The following NOL4L variants were observed in gnomAD, a reference collection of about 807,000 sequenced individuals.
NOL4L encodes the protein nucleolar protein 4-like.
NOL4L carries 7 observed loss-of-function variants against 64.5 expected under a neutral mutation model. The observed-to-expected ratio is 0.11, with a 90% CI of 0.06 to 0.20. The LOEUF (loss-of-function observed/expected upper bound fraction) is 0.20. Ranked by LOEUF, NOL4L falls within the 10% of genes least tolerant of loss-of-function variation. The pLI is 1.00. For missense variants in NOL4L, 680 were observed against 967.1 expected (o/e 0.70, Z 3.94); for synonymous variants, 413 against 401.0 (o/e 1.03, Z -0.36).
At chr20:32,478,178 T>C (rs1231955599) in intron 4 of NOL4L, among the ~76,000 whole-genome samples, 1 of 151,582 alleles carries the variant, frequency 6.6e-6, no homozygotes, top group Non-Finnish European at 1.5e-5. Flanking sequence ...GGAACCAGAT[T>C]CCTTAACAAC....
At chr20:32,541,008 TACACACACACACACAC>T (rs10675320) in intron 1 of NOL4L, among the ~76,000 whole-genome samples, 2 of 133,514 alleles carry the variant, frequency 1.5e-5, no homozygotes, top group African/African-American at 2.8e-5. Context: ...CGCCACCCCC[TACACACACACACACAC>T]ACACACACAC....
chr20:32,584,064 A>T (rs1478344593), intron 1 of NOL4L, among the ~76,000 whole-genome samples: 1 of 104,884 alleles, frequency 9.5e-6, no homozygotes, highest in African/African-American at 3.7e-5. Context: ...GGCCCGGCGG[A>T]CTCCCCGTCC....
At chr20:32,479,679 C>T (rs893628068) in intron 4 of NOL4L, among the ~76,000 whole-genome samples, 4 of 152,256 alleles carry the variant, frequency 2.6e-5, no homozygotes, top group African/African-American at 9.6e-5. Flanking sequence ...GCCCTTTGGA[C>T]ACCCTGAAGC....
chr20:32,520,933 G>C lies in NOL4L; in HGVS notation c.478-11C>G, dbSNP rs562059237. The C allele has an allele frequency of 6.5e-7, 1 of 1,535,642 alleles. No individual in the cohort carries two copies. Among genetic ancestry groups the C allele is most frequent in the African/African-American group, 1.4e-5 (1 of 72,826 alleles). On this transcript the variant is annotated splice_polypyrimidine_tract_variant and intron_variant, in intron 2 of 10. Coordinates refer to ENST00000621426, the MANE Select transcript of NOL4L (RefSeq NM_001256798.2). Reference sequence around the variant, plus strand: ...ATAGGTCTCTGCGATCTGGAGGAGAGAAGAGCTTCGCTTGTTATATGGATC... The same window carrying C: ...ATAGGTCTCTGCGATCTGGAGGAGACAAGAGCTTCGCTTGTTATATGGATC...
intron 4 of NOL4L, among the ~76,000 whole-genome samples, chr20:32,502,036 G>A (rs1425111327): frequency 2.6e-5 from 4 of 152,342 alleles, no homozygotes; most frequent in Non-Finnish European, 4.4e-5. Flanking sequence ...GTTGCAGGAT[G>A]GAGGAAGGAG....
intron 4 of NOL4L, among the ~76,000 whole-genome samples, chr20:32,490,957 G>A (rs1306389626): frequency 6.6e-6 from 1 of 152,162 alleles, no homozygotes; most frequent in Non-Finnish European, 1.5e-5. Context: ...AGACGGACTC[G>A]CCATCTTTTG....
chr20:32,462,032 T>C (rs2014117249), intron 5 of NOL4L, among the ~76,000 whole-genome samples: 1 of 151,858 alleles, frequency 6.6e-6, no homozygotes, highest in Non-Finnish European at 1.5e-5. Context: ...CAGCAACTGG[T>C]AATAGCGTGT....
chr20:32,527,216 A>G (rs2018164875), intron 2 of NOL4L, among the ~76,000 whole-genome samples: 2 of 152,022 alleles, frequency 1.3e-5, no homozygotes, highest in Non-Finnish European at 2.9e-5. Flanking sequence ...TTTTGCTCTC[A>G]GCCTCCCCAC....
intron 1 of NOL4L, among the ~76,000 whole-genome samples, chr20:32,565,975 G>C (rs1204239588): frequency 6.6e-6 from 1 of 152,144 alleles, no homozygotes; most frequent in Non-Finnish European, 1.5e-5. Context: ...TTGAGCCCAG[G>C]TCAAGGCTGC....
intron 1 of NOL4L, among the ~76,000 whole-genome samples, chr20:32,553,044 G>A (rs1222891916): frequency 6.6e-6 from 1 of 152,146 alleles, no homozygotes; most frequent in East Asian, 1.9e-4. Flanking sequence ...TTTACAGTGT[G>A]CCAAGCCTGC....
chr20:32,584,579 C>T lies in NOL4L; in HGVS notation c.312G>A (p.Lys104=). The part of the protein sequence containing the change: ...KMGQVVYVPV[K]TGSGADGLSE... ...CCGCGCGCGCACTCACCGAGCCCGT[C>T]TTGACCGGCACATACACCACTTGGC... is the stretch of plus-strand genomic sequence containing the variant. The change falls in exon 1 of 11, where the codon AAG becomes AAA. Residue 104 remains lysine, a synonymous_variant. Coordinates refer to ENST00000621426, the MANE Select transcript of NOL4L (RefSeq NM_001256798.2). The T allele has an allele frequency of 6.9e-7, 1 of 1,455,462 alleles. No homozygotes were observed. 90.2% of individuals were successfully genotyped at this position (1,455,462 alleles called of 1,614,324 possible).
At chr20:32,561,408 G>A (rs1349136480) in intron 1 of NOL4L, among the ~76,000 whole-genome samples, 1 of 152,212 alleles carries the variant, frequency 6.6e-6, no homozygotes, top group Non-Finnish European at 1.5e-5. Context: ...GACAAAAAAC[G>A]AGGCTGAGTC....
intron 5 of NOL4L, among the ~76,000 whole-genome samples, chr20:32,461,051 G>A (rs2013992714): frequency 3.3e-5 from 5 of 152,232 alleles, no homozygotes; most frequent in Admixed American, 6.5e-5. Context: ...ACGGTGGGGC[G>A]AGGGCTGAAG....
At chr20:32,488,747 T>TTTCC (rs1206813375) in intron 4 of NOL4L, among the ~76,000 whole-genome samples, 1,167 of 106,852 alleles carry the variant, frequency 0.011, 68 homozygotes, top group Middle Eastern at 0.046. Flanking sequence ...CTTTCTTTCT[T>TTTCC]TTCCTTCCTT....
At chr20:32,472,913 C>T (rs766941464) in intron 5 of NOL4L, among the ~76,000 whole-genome samples, 5 of 152,088 alleles carry the variant, frequency 3.3e-5, no homozygotes, top group Non-Finnish European at 7.4e-5. Flanking sequence ...TGGGGACCTA[C>T]AGACCCCCCA....
At chr20:32,513,288 G>A (rs141780891) in intron 3 of NOL4L, among the ~76,000 whole-genome samples, 4 of 152,278 alleles carry the variant, frequency 2.6e-5, no homozygotes, top group African/African-American at 7.2e-5. Flanking sequence ...CCCCTCAAGA[G>A]CCATAGCCCA....
chr20:32,554,147 C>A (rs1003677831), intron 1 of NOL4L, among the ~76,000 whole-genome samples: 1 of 151,852 alleles, frequency 6.6e-6, no homozygotes, highest in South Asian at 2.1e-4. Flanking sequence ...GGTGAAACCC[C>A]GTCTCTACTA....
At chr20:32,490,145 A>AAAAAAACC (rs66608636) in intron 4 of NOL4L, among the ~76,000 whole-genome samples, 1 of 41,778 alleles carries the variant, frequency 2.4e-5, no homozygotes, top group African/African-American at 2.2e-4. Context: ...AAAAAAAAAA[A>AAAAAAACC]TATATATACA....
chr20:32,580,214 C>G (rs909671050), intron 1 of NOL4L, among the ~76,000 whole-genome samples: 2 of 152,168 alleles, frequency 1.3e-5, no homozygotes, highest in African/African-American at 2.4e-5. Flanking sequence ...TAGCAGTAAT[C>G]ACAGCACTGG....
Sources: gnomAD v4.1 joint callset for allele counts (sites outside exome capture counted in the v4.1 genomes callset) on GRCh38, gnomAD v4.1.1 for gene constraint, MANE v1.5 for transcripts, NCBI Gene and HGNC (gene_info 2026-07-23, HGNC 2026-07-21) for gene names.